Variants in CYSLTR2 observed in about 807,000 individuals in gnomAD.
The protein encoded by CYSLTR2 is cysteinyl leukotriene receptor 2.
For missense variants in CYSLTR2, 398 were observed against 411.9 expected, an observed-to-expected ratio of 0.97 and a Z score of 0.29; for synonymous variants, 179 against 160.8, an observed-to-expected ratio of 1.11 and a Z score of -0.86.
chr13:48,688,194 T>C (rs1435593192), intron 1 of CYSLTR2, among the ~76,000 whole-genome samples: 3 of 152,212 alleles, frequency 2.0e-5, no homozygotes, highest in Non-Finnish European at 4.4e-5. Flanking sequence ...GCAATCCTCC[T>C]GCCTCAGCTT....
At position 48,695,433 on chromosome 13, in the gene CYSLTR2, G is replaced by A. The variant is rs143380116; in HGVS notation, c.-102-1093G>A. On this transcript the variant is annotated intron_variant, in intron 3 of 4. Transcript: ENST00000682523. The stretch of plus-strand genomic sequence containing the variant: ...TCTCTCTCTCTCTCTCATAGAGATA[G>A]GGTCTCAGGTCTCACTATGTTGCCT... 5.1e-3 allele frequency among the ~76,000 whole-genome samples: 723 copies of A among 142,914 alleles called. 4 individuals carry two copies. Among genetic ancestry groups the A allele is most frequent in the Middle Eastern group, 0.014 (4 of 278 alleles). The allele number at this position is 142,914 out of a possible 152,430, so 93.8% of individuals were successfully genotyped here.
intron 1 of CYSLTR2, among the ~76,000 whole-genome samples, chr13:48,671,769 G>C (rs1953437030): frequency 6.6e-6 from 1 of 152,128 alleles, no homozygotes; most frequent in Non-Finnish European, 1.5e-5. Context: ...CCAGGTTTTA[G>C]CATCAGGATG....
At position 48,707,027 on chromosome 13, in the gene CYSLTR2, C is replaced by A; in HGVS notation, c.210C>A (p.Ser70=). 1 of 1,614,056 alleles carries A rather than the reference C, an allele frequency of 6.2e-7. No homozygotes were observed. Among genetic ancestry groups the A allele is most frequent in the South Asian group, 1.1e-5 (1 of 91,080 alleles). The change falls in exon 5 of 5, where the codon TCC becomes TCA. Residue 70 remains serine, a synonymous_variant. Transcript: ENST00000682523. ...IYVFLQPYKK[S]TSVNVFMLNL... Reference sequence around the variant, plus strand: ...TTTTCCTGCAGCCTTATAAGAAGTCCACATCTGTGAACGTTTTCATGCTAA... The same window carrying A: ...TTTTCCTGCAGCCTTATAAGAAGTCAACATCTGTGAACGTTTTCATGCTAA...
intron 1 of CYSLTR2, among the ~76,000 whole-genome samples, chr13:48,665,646 C>T (rs1466725467): frequency 2.0e-5 from 3 of 151,922 alleles, no homozygotes; most frequent in African/African-American, 7.3e-5. Context: ...TTTTGATTTC[C>T]ATTTGCATGG....
At chr13:48,675,653 G>C (rs1034484458) in intron 1 of CYSLTR2, among the ~76,000 whole-genome samples, 6 of 152,140 alleles carry the variant, frequency 3.9e-5, no homozygotes, top group Admixed American at 3.9e-4. Flanking sequence ...CCAGAAAAGT[G>C]AATGGTTCTG....
chr13:48,702,915 C>T (rs1954387705), intron 4 of CYSLTR2, among the ~76,000 whole-genome samples: 1 of 152,114 alleles, frequency 6.6e-6, no homozygotes, highest in African/African-American at 2.4e-5. Context: ...GTCTTCTAAT[C>T]TATGACATGG....
chr13:48,670,048 A>T (rs537374785), intron 1 of CYSLTR2, among the ~76,000 whole-genome samples: 1 of 152,084 alleles, frequency 6.6e-6, no homozygotes, highest in Non-Finnish European at 1.5e-5. Context: ...GCTTTTCTTC[A>T]TATGTTTGTT....
intron 1 of CYSLTR2, among the ~76,000 whole-genome samples, chr13:48,680,800 C>CTTTTTTTTTTTTTTTTTT (rs139896583): frequency 3.8e-4 from 21 of 55,040 alleles, no homozygotes; most frequent in East Asian, 6.2e-4. Flanking sequence ...CTTTTCTTTT[C>CTTTTTTTTTTTTTTTTTT]TTTTTTTTTT....
intron 1 of CYSLTR2, among the ~76,000 whole-genome samples, chr13:48,676,539 T>C (rs890346457): frequency 2.0e-5 from 3 of 152,128 alleles, no homozygotes; most frequent in Non-Finnish European, 4.4e-5. Flanking sequence ...ATAAGAAATA[T>C]GATATAAAAA....
intron 1 of CYSLTR2, among the ~76,000 whole-genome samples, chr13:48,671,571 A>T (rs1156510126): frequency 6.6e-6 from 1 of 151,992 alleles, no homozygotes; most frequent in African/African-American, 2.4e-5. Flanking sequence ...TTATGTGATG[A>T]ATTATGTTTA....
At chr13:48,654,746 C>A (rs1371995197) in intron 1 of CYSLTR2, among the ~76,000 whole-genome samples, 4 of 152,156 alleles carry the variant, frequency 2.6e-5, no homozygotes, top group Non-Finnish European at 4.4e-5. Flanking sequence ...CCAGAATCAC[C>A]CGACTCTGAG....
chr13:48,707,805 A>G lies in CYSLTR2; in HGVS notation c.988A>G (p.Thr330Ala). Residue 330 changes from threonine (T) to alanine (A), a missense_variant, in exon 5 of 5, where the codon ACA becomes GCA. Coordinates refer to ENST00000682523, the MANE Select transcript of CYSLTR2 (RefSeq NM_001308476.3). ...AAAAGGCCATCCACAGAAGGCAAAG[A>G]CAAAGTGTGTTTTCCCTGTTAGTGT... is the stretch of plus-strand genomic sequence containing the variant. Reference protein sequence around the residue: ...LRKGHPQKAKTKCVFPVSVWL... With the variant: ...LRKGHPQKAKAKCVFPVSVWL... 1.3e-6 allele frequency: 2 copies of G among 1,553,152 alleles called. No individual in the cohort carries two copies. The highest frequency in any genetic ancestry group is 1.7e-6 in the Non-Finnish European group (2 of 1,151,262).
chr13:48,707,153 G>C lies in CYSLTR2; in HGVS notation c.336G>C (p.Arg112Ser). The change falls in exon 5 of 5, where the codon AGG (arginine) becomes AGC (serine). Residue 112 changes from arginine to serine, a missense_variant. Transcript: ENST00000682523. ...GGATATTTGGAGACCTGGCCTGCAG[G>C]ATTATGTCTTATTCCTTGTATGTCA... ...SNWIFGDLAC[R>S]IMSYSLYVNM... 6.2e-7 allele frequency: 1 copy of C among 1,614,186 alleles called. No homozygotes were observed. Among genetic ancestry groups the C allele is most frequent in the Non-Finnish European group, 8.5e-7 (1 of 1,180,032 alleles).
At chr13:48,685,266 ACGAGAAC>A in intron 1 of CYSLTR2, among the ~76,000 whole-genome samples, 1 of 62,682 alleles carries the variant, frequency 1.6e-5, no homozygotes. Context: ...TTAAACACTC[ACGAGAAC>A]TCACTCACGA....
intron 4 of CYSLTR2, among the ~76,000 whole-genome samples, chr13:48,701,316 A>G (rs1224878285): frequency 6.6e-6 from 1 of 152,234 alleles, no homozygotes; most frequent in Non-Finnish European, 1.5e-5. Flanking sequence ...TAGAGCCTCC[A>G]GAAGTAATAC....
chr13:48,702,597 T>C (rs1210527989), intron 4 of CYSLTR2, among the ~76,000 whole-genome samples: 1 of 152,184 alleles, frequency 6.6e-6, no homozygotes, highest in Non-Finnish European at 1.5e-5. Flanking sequence ...ACAATTAAGT[T>C]GGGCATAGTT....
chr13:48,688,248 G>A (rs1197391843), intron 1 of CYSLTR2, among the ~76,000 whole-genome samples: 1 of 152,066 alleles, frequency 6.6e-6, no homozygotes, highest in Non-Finnish European at 1.5e-5. Context: ...GGTTCTTGTA[G>A]TGTCAAGATA....
chr13:48,707,600 G>T lies in CYSLTR2; in HGVS notation c.783G>T (p.Leu261=). 3 of 1,611,106 alleles carry T rather than the reference G, an allele frequency of 1.9e-6. No individual in the cohort carries two copies. In the East Asian group the frequency reaches 6.7e-5, roughly 36 times the overall value. The part of the protein sequence containing the change: ...ITLIIFFLCF[L]PYHTLRTVHL... The stretch of plus-strand genomic sequence containing the variant: ...TGATCATCTTCTTCTTGTGTTTCCT[G>T]CCCTATCACACACTGAGGACCGTCC... Residue 261 remains leucine, a synonymous_variant, in exon 5 of 5, where the codon CTG becomes CTT. Transcript: ENST00000682523.
At position 48,710,121 on chromosome 13, in the gene CYSLTR2, T is replaced by C. The variant is rs1204879157; in HGVS notation, c.*2263T>C. On this transcript the variant is annotated 3_prime_UTR_variant, in exon 5 of 5. Coordinates refer to ENST00000682523, the MANE Select transcript of CYSLTR2 (RefSeq NM_001308476.3). The stretch of plus-strand genomic sequence containing the variant: ...GGCTCAGCTGTGAATAATATTTACA[T>C]AGAGGATAATGTGAATATAATAGTC... 1 of 152,236 alleles carries C rather than the reference T, an allele frequency of 6.6e-6. No homozygotes were observed. The highest frequency in any genetic ancestry group is 2.4e-5 in the African/African-American group (1 of 41,464). The allele number at this position is 152,236 out of a possible 1,614,324, so 9.4% of individuals were successfully genotyped here. A position where few individuals can be genotyped will look rare whatever the true frequency, so the allele number is the denominator to read the frequency against.
Sources: allele counts gnomAD v4.1 joint callset (sites outside exome capture counted in the v4.1 genomes callset), GRCh38; gene constraint gnomAD v4.1.1; transcripts MANE v1.5; gene names NCBI Gene and HGNC (gene_info 2026-07-23, HGNC 2026-07-21).